SH3GLB1: variants seen among roughly 807,000 people sequenced by gnomAD.
SH3GLB1 encodes the protein SH3 domain containing GRB2 like, endophilin B1.
A neutral mutation model predicts 42.0 loss-of-function variants in SH3GLB1; 17 were observed. The ratio of observed to expected loss-of-function variants is 0.40; its 90% CI spans 0.28 to 0.61. The LOEUF (loss-of-function observed/expected upper bound fraction) is 0.61. Ranked by LOEUF, SH3GLB1 falls within the 20% of genes least tolerant of loss-of-function variation. The probability of loss-of-function intolerance (pLI) is 0.36; values close to 1 mark genes in which losing one functional copy is unlikely to be tolerated. For missense variants in SH3GLB1, 355 were observed against 426.3 expected, an observed-to-expected ratio of 0.83 and a Z score of 1.47; for synonymous variants, 132 against 146.6, an observed-to-expected ratio of 0.90 and a Z score of 0.72.
chr1:86,740,759 C>G (rs1217246087), intron 7 of SH3GLB1, among the ~76,000 whole-genome samples: 1 of 151,940 alleles, frequency 6.6e-6, no homozygotes, highest in Admixed American at 6.6e-5. Context: ...ATCTAAGAGG[C>G]TAAAGGGTTG....
Position 86,707,696 on chromosome 1 carries a change from T to C in SH3GLB1, c.72+2725T>C, listed in dbSNP as rs953226091. Among the ~76,000 whole-genome samples the C allele has an allele frequency of 9.4e-5, 14 of 148,716 alleles. No individual in the cohort carries two copies. The East Asian group carries it at 2.8e-3, about 29-fold the overall frequency. Reference sequence around the variant, plus strand: ...GGAGTTTGGCTCTTGTTGCCCAGGCTGGAGTGCAATGGCGCGATCTCAGCT... The same window carrying C: ...GGAGTTTGGCTCTTGTTGCCCAGGCCGGAGTGCAATGGCGCGATCTCAGCT... On this transcript the variant is annotated intron_variant, in intron 1 of 8. Transcript: ENST00000370558.
Position 86,719,640 on chromosome 1 carries a change from G to A in SH3GLB1, c.343+5G>A. The stretch of plus-strand genomic sequence containing the variant: ...TTGGCCCAGGAACAGCTTATGGTAA[G>A]TGAAATGCAAAAAGTTCTAATAAGG... On this transcript the variant is annotated splice_donor_5th_base_variant and intron_variant, in intron 3 of 8. Transcript: ENST00000370558. The A allele has an allele frequency of 6.2e-7, 1 of 1,601,298 alleles. No individual in the cohort carries two copies. Among genetic ancestry groups the A allele is most frequent in the Non-Finnish European group, 8.5e-7 (1 of 1,175,194 alleles).
chr1:86,724,892 A>AAAAATATATATATATATATAT (rs1291454820), intron 5 of SH3GLB1, among the ~76,000 whole-genome samples: 10 of 99,686 alleles, frequency 1.0e-4, no homozygotes, highest in South Asian at 5.9e-4. Flanking sequence ...AAAAAAAAAA[A>AAAAATATATATATATATATAT]ATATATATAT....
chr1:86,707,759 C>T (rs1653957601), intron 1 of SH3GLB1, among the ~76,000 whole-genome samples: 1 of 151,500 alleles, frequency 6.6e-6, no homozygotes, highest in South Asian at 2.1e-4. Context: ...AGCCAATCTC[C>T]TGCCTCCGTC....
At position 86,704,801 on chromosome 1, in the gene SH3GLB1, C is replaced by A; in HGVS notation, c.-99C>A. 2 of 666,250 alleles carry A rather than the reference C, an allele frequency of 3.0e-6. No individual in the cohort carries two copies. The highest frequency in any genetic ancestry group is 2.0e-5 in the South Asian group (1 of 49,992). The allele number at this position is 666,250 out of a possible 1,614,324, so 41.3% of individuals were successfully genotyped here. A position where few individuals can be genotyped will look rare whatever the true frequency, so the allele number is the denominator to read the frequency against. On this transcript the variant is annotated 5_prime_UTR_variant, in exon 1 of 9. Coordinates refer to ENST00000370558, the MANE Select transcript of SH3GLB1 (RefSeq NM_016009.5). ...TGGCGCCGCCTCCCTCCACCTACCA[C>A]GTCTGCCCTCGCCGCTCTAGCCCTG... is the stretch of plus-strand genomic sequence containing the variant.
At chr1:86,741,962 A>G (rs917570860) in intron 7 of SH3GLB1, among the ~76,000 whole-genome samples, 1 of 152,208 alleles carries the variant, frequency 6.6e-6, no homozygotes, top group Non-Finnish European at 1.5e-5. Flanking sequence ...TTAAGTTAAT[A>G]TTATAAGGAC....
intron 6 of SH3GLB1, 59 bp downstream of exon 6, chr1:86,734,750 T>C: frequency 3.8e-6 from 5 of 1,312,512 alleles, no homozygotes; most frequent in Non-Finnish European, 5.4e-6. Context: ...CCTAAGGCAA[T>C]TTTGGGAGGA....
Position 86,704,942 on chromosome 1 carries a change from G to T in SH3GLB1, c.43G>T (p.Ala15Ser). 1.9e-6 allele frequency: 3 copies of T among 1,584,656 alleles called. No individual in the cohort carries two copies. Among genetic ancestry groups the T allele is most frequent in the Non-Finnish European group, 2.6e-6 (3 of 1,167,828 alleles). Reference protein sequence around the residue: ...DFNVKKLAADAGTFLSRAVQF... With the variant: ...DFNVKKLAADSGTFLSRAVQF... ...CAACGTGAAGAAGCTGGCGGCCGAC[G>T]CAGGCACCTTCCTCAGTCGCGCCGT... Residue 15 changes from alanine (A) to serine (S), a missense_variant, in exon 1 of 9, where the codon GCA (alanine) becomes TCA (serine). Ala to Ser is a moderately conservative substitution (Grantham distance 99). Coordinates refer to ENST00000370558, the MANE Select transcript of SH3GLB1 (RefSeq NM_016009.5).
At chr1:86,722,300 T>C (rs895165193) in intron 3 of SH3GLB1, among the ~76,000 whole-genome samples, 2 of 152,118 alleles carry the variant, frequency 1.3e-5, no homozygotes, top group Non-Finnish European at 2.9e-5. Flanking sequence ...ATTGGTAGAA[T>C]TGGTACAATT....
intron 7 of SH3GLB1, among the ~76,000 whole-genome samples, chr1:86,742,003 T>C (rs890891621): frequency 6.6e-6 from 1 of 152,202 alleles, no homozygotes; most frequent in Non-Finnish European, 1.5e-5. Flanking sequence ...AGGATTTATA[T>C]TTGAATACCA....
At chr1:86,715,622 T>C (rs1654476097) in intron 1 of SH3GLB1, 102 bp from the exon 2 acceptor site, 2 of 1,122,246 alleles carry the variant, frequency 1.8e-6, no homozygotes, top group South Asian at 3.4e-5. Flanking sequence ...GTTATTTGTA[T>C]GTTTAGGATT....
At chr1:86,725,211 T>C (rs35265557) in intron 5 of SH3GLB1, among the ~76,000 whole-genome samples, 7,583 of 151,536 alleles carry the variant, frequency 0.05, 247 homozygotes, top group South Asian at 0.078. Context: ...TTAGATCAGT[T>C]CCCTTTCCAC....
At chr1:86,707,245 A>G (rs558124231) in intron 1 of SH3GLB1, among the ~76,000 whole-genome samples, 2 of 152,210 alleles carry the variant, frequency 1.3e-5, no homozygotes, top group East Asian at 1.9e-4. Context: ...TTCTAATAGG[A>G]TGAAATTCAA....
At chr1:86,712,961 G>A (rs1472782941) in intron 1 of SH3GLB1, among the ~76,000 whole-genome samples, 2 of 152,042 alleles carry the variant, frequency 1.3e-5, no homozygotes, top group Non-Finnish European at 2.9e-5. Flanking sequence ...GAGTCACAAA[G>A]AAAATGTTAA....
chr1:86,739,645 G>A (rs1655961012), intron 7 of SH3GLB1, among the ~76,000 whole-genome samples: 1 of 152,140 alleles, frequency 6.6e-6, no homozygotes, highest in African/African-American at 2.4e-5. Flanking sequence ...AGAAAGTGGG[G>A]TCTAGCAATT....
chr1:86,720,430 T>C (rs2101939207), intron 3 of SH3GLB1, among the ~76,000 whole-genome samples: 1 of 152,298 alleles, frequency 6.6e-6, no homozygotes, highest in South Asian at 2.1e-4. Context: ...TTCATTTCTG[T>C]TTTTCTCTTA....
chr1:86,726,130 C>T (rs1290596066), intron 5 of SH3GLB1, among the ~76,000 whole-genome samples: 1 of 151,984 alleles, frequency 6.6e-6, no homozygotes, highest in African/African-American at 2.4e-5. Flanking sequence ...AAAAAAGGAT[C>T]ATTTGGAAAT....
chr1:86,708,936 A>T (rs1323922215), intron 1 of SH3GLB1, among the ~76,000 whole-genome samples: 1 of 152,210 alleles, frequency 6.6e-6, no homozygotes, highest in Admixed American at 6.5e-5. Flanking sequence ...CTGTCTGCCT[A>T]TTCTTTCCTT....
At chr1:86,706,046 G>A (rs1435425721) in intron 1 of SH3GLB1, among the ~76,000 whole-genome samples, 2 of 152,162 alleles carry the variant, frequency 1.3e-5, no homozygotes, top group African/African-American at 4.8e-5. Context: ...GGTAATAGCT[G>A]CCTATATTAT....
Sources: gnomAD v4.1 joint callset for allele counts (sites outside exome capture counted in the v4.1 genomes callset) on GRCh38, gnomAD v4.1.1 for gene constraint, MANE v1.5 for transcripts, NCBI Gene and HGNC (gene_info 2026-07-23, HGNC 2026-07-21) for gene names.